Variants in PRKCB observed in about 807,000 individuals in gnomAD.
PRKCB encodes protein kinase C beta type.
A neutral mutation model predicts 81.5 loss-of-function variants in PRKCB; 13 were observed. That is an observed-to-expected ratio of 0.16 (90% CI 0.10 to 0.25). The LOEUF (loss-of-function observed/expected upper bound fraction) is 0.25, where lower values mean the gene tolerates loss of function less well. PRKCB is among the 10% of genes least tolerant of loss of function. PRKCB has a pLI of 1.00. For synonymous variants in PRKCB, 335 were observed against 321.4 expected (o/e 1.04, Z -0.45); for missense variants, 509 against 875.7 (o/e 0.58, Z 5.29).
chr16:24,081,265 A>T (rs34922649), intron 5 of PRKCB, among the ~76,000 whole-genome samples: 2,208 of 136,344 alleles, frequency 0.016, 50 homozygotes, highest in African/African-American at 0.068. Context: ...GCTTAATAAT[A>T]AAAAAAAAAA....
rs1337724586 is a variant in PRKCB at position 23,982,205 on chromosome 16, C to A, written c.206-6303C>A. On this transcript the variant is annotated intron_variant, in intron 2 of 16. Coordinates refer to ENST00000643927, the MANE Select transcript of PRKCB (RefSeq NM_002738.7). Reference sequence around the variant, plus strand: ...TTTCCCTTCCTCTTCCCTTCCCCTTCCCTTCCCCTTCCCTTCGCCTTCCCT... The same window carrying A: ...TTTCCCTTCCTCTTCCCTTCCCCTTACCTTCCCCTTCCCTTCGCCTTCCCT... 6.7e-4 allele frequency among the ~76,000 whole-genome samples: 34 copies of A among 50,766 alleles called. 4 individuals carry two copies. The highest frequency in any genetic ancestry group is 2.9e-3 in the African/African-American group (33 of 11,332). The allele number at this position is 50,766 out of a possible 152,430, so 33.3% of individuals were successfully genotyped here. A position where few individuals can be genotyped will look rare whatever the true frequency, so the allele number is the denominator to read the frequency against.
Position 24,216,455 on chromosome 16 carries a change from G to C in PRKCB, c.*1639G>C, listed in dbSNP as rs140599804. On this transcript the variant is annotated 3_prime_UTR_variant, in exon 17 of 17. Transcript: ENST00000643927. Reference sequence around the variant, plus strand: ...TCCCCCTCCTCGCCTGCCGTGTCCTGCTATTCTCAGGCAGCTCTAAGGAGA... The same window carrying C: ...TCCCCCTCCTCGCCTGCCGTGTCCTCCTATTCTCAGGCAGCTCTAAGGAGA... 338 of 985,430 alleles carry C rather than the reference G, an allele frequency of 3.4e-4. 2 individuals are homozygous for C. The African/African-American group carries it at 5.5e-3, about 16-fold the overall frequency. The allele number at this position is 985,430 out of a possible 1,614,324, so 61.0% of individuals were successfully genotyped here.
At chr16:24,047,720 G>A (rs756250968) in intron 5 of PRKCB, among the ~76,000 whole-genome samples, 1 of 152,158 alleles carries the variant, frequency 6.6e-6, no homozygotes. Context: ...ATACCAGTGG[G>A]GAGAGGAAGG....
chr16:23,869,796 C>T (rs577452629), intron 2 of PRKCB, among the ~76,000 whole-genome samples: 3 of 151,994 alleles, frequency 2.0e-5, no homozygotes, highest in Non-Finnish European at 4.4e-5. Flanking sequence ...CTGAGGTGGG[C>T]GGATCACCTG....
At chr16:23,885,138 G>A (rs113853055) in intron 2 of PRKCB, among the ~76,000 whole-genome samples, 9,739 of 152,130 alleles carry the variant, frequency 0.064, 1,016 homozygotes, top group African/African-American at 0.22. Context: ...CCTGCTATAT[G>A]CCAGACACTA....
chr16:23,911,496 A>G (rs542576269), intron 2 of PRKCB, among the ~76,000 whole-genome samples: 3 of 152,182 alleles, frequency 2.0e-5, no homozygotes, highest in South Asian at 2.1e-4. Context: ...GCTGGGCCCT[A>G]TAAGAGCTCT....
chr16:24,208,826 C>G (rs888343338), intron 16 of PRKCB, among the ~76,000 whole-genome samples: 2 of 152,184 alleles, frequency 1.3e-5, no homozygotes, highest in Admixed American at 6.5e-5. Context: ...AGTGACAGCT[C>G]CATTTGAAAA....
chr16:24,126,402 T>G (rs1966844341), intron 9 of PRKCB, among the ~76,000 whole-genome samples: 1 of 152,152 alleles, frequency 6.6e-6, no homozygotes, highest in African/African-American at 2.4e-5. Context: ...ACTTTTTTTT[T>G]CTTTTTGAGA....
chr16:24,198,768 A>G (rs1226281772), intron 16 of PRKCB, among the ~76,000 whole-genome samples: 1 of 152,180 alleles, frequency 6.6e-6, no homozygotes, highest in Non-Finnish European at 1.5e-5. Context: ...CCAGATTGTC[A>G]AGTGTTCTAA....
rs1000795775 is a variant in PRKCB, at chr16:24,059,370, T to G, written c.529+23823T>G. Among the ~76,000 whole-genome samples, 4 of 152,160 alleles carry G rather than the reference T, an allele frequency of 2.6e-5. No homozygotes were observed. The East Asian group carries it at 7.8e-4, about 30-fold the overall frequency. ...GTGAAGGAGAATTTAAAAATAATGCTTTTAAGTCCAGGTGCAGTGGCTCAT... is the reference window on the plus strand; with the variant it reads ...GTGAAGGAGAATTTAAAAATAATGCGTTTAAGTCCAGGTGCAGTGGCTCAT... On this transcript the variant is annotated intron_variant, in intron 5 of 16. Transcript: ENST00000643927.
At chr16:23,904,026 G>A (rs998606288) in intron 2 of PRKCB, among the ~76,000 whole-genome samples, 3 of 152,270 alleles carry the variant, frequency 2.0e-5, no homozygotes, top group Non-Finnish European at 2.9e-5. Context: ...TCAAGTCCTC[G>A]TTTGTGTCTG....
intron 2 of PRKCB, among the ~76,000 whole-genome samples, chr16:23,932,902 T>A (rs922497312): frequency 6.6e-6 from 1 of 152,168 alleles, no homozygotes; most frequent in African/African-American, 2.4e-5. Flanking sequence ...TGGAAAACTT[T>A]GTCATGAAGG....
chr16:23,948,885 G>A (rs1172375379), intron 2 of PRKCB, among the ~76,000 whole-genome samples: 1 of 152,082 alleles, frequency 6.6e-6, no homozygotes, highest in African/African-American at 2.4e-5. Context: ...TAACCACCAT[G>A]CATCTCCTGT....
chr16:24,047,332 A>T (rs1965779833), intron 5 of PRKCB, among the ~76,000 whole-genome samples: 1 of 151,942 alleles, frequency 6.6e-6, no homozygotes, highest in Admixed American at 6.6e-5. Flanking sequence ...ACAGAGTGAG[A>T]CTCCATCTCA....
chr16:23,911,766 T>C (rs925414768), intron 2 of PRKCB, among the ~76,000 whole-genome samples: 2 of 151,580 alleles, frequency 1.3e-5, no homozygotes, highest in South Asian at 2.1e-4. Context: ...CTGTCTTACA[T>C]GAGATGTCCT....
intron 5 of PRKCB, among the ~76,000 whole-genome samples, chr16:24,047,561 C>T (rs1210801272): frequency 6.6e-6 from 1 of 151,402 alleles, no homozygotes; most frequent in Non-Finnish European, 1.5e-5. Flanking sequence ...AGAATTTGAG[C>T]ACCCGCCTCT....
chr16:24,174,658 T>C, intron 12 of PRKCB, 78 bp downstream of exon 12: 1 of 1,344,744 alleles, frequency 7.4e-7, no homozygotes, highest in Non-Finnish European at 1.0e-6. Flanking sequence ...TTCAGCTGCT[T>C]TTAAAATTAG....
At chr16:23,987,823 T>C (rs533195083) in intron 2 of PRKCB, among the ~76,000 whole-genome samples, 5 of 152,306 alleles carry the variant, frequency 3.3e-5, no homozygotes, top group African/African-American at 1.2e-4. Context: ...CAAAGCAGTT[T>C]TATTTTGTAT....
intron 10 of PRKCB, among the ~76,000 whole-genome samples, chr16:24,169,596 G>A (rs1222712044): frequency 1.3e-5 from 2 of 151,936 alleles, no homozygotes; most frequent in Non-Finnish European, 2.9e-5. Context: ...AGCTGCTTTC[G>A]TCATCTCCTT....
Sources: gnomAD v4.1 joint callset for allele counts (sites outside exome capture counted in the v4.1 genomes callset) on GRCh38, gnomAD v4.1.1 for gene constraint, MANE v1.5 for transcripts, NCBI Gene and HGNC (gene_info 2026-07-23, HGNC 2026-07-21) for gene names.